SPOCK3: variants seen among roughly 807,000 people sequenced by gnomAD.
The protein encoded by SPOCK3 is testican-3.
SPOCK3 carries 30 observed loss-of-function variants against 56.6 expected under a neutral mutation model. The ratio of observed to expected loss-of-function variants is 0.53; its 90% CI spans 0.40 to 0.72. SPOCK3 has a LOEUF of 0.72. Among genes scored for constraint, SPOCK3 ranks in the 30% least tolerant of loss-of-function variants. The pLI is 0.00. For synonymous variants in SPOCK3, 196 were observed against 183.3 expected (o/e 1.07, Z -0.56); for missense variants, 527 against 530.0 (o/e 0.99, Z 0.06).
chr4:166,888,782 T>C (rs770338640), intron 6 of SPOCK3, among the ~76,000 whole-genome samples: 10 of 151,972 alleles, frequency 6.6e-5, no homozygotes, highest in Non-Finnish European at 1.5e-4. Context: ...AATTACTTAC[T>C]ACTTTATCAA....
At chr4:166,770,329 A>T (rs1419630420) in intron 7 of SPOCK3, among the ~76,000 whole-genome samples, 4 of 152,144 alleles carry the variant, frequency 2.6e-5, no homozygotes, top group Admixed American at 1.3e-4. Context: ...TCTTGGAACC[A>T]AGCCCAAGAT....
intron 6 of SPOCK3, among the ~76,000 whole-genome samples, chr4:166,875,723 T>G (rs1467877666): frequency 6.6e-6 from 1 of 152,194 alleles, no homozygotes; most frequent in Admixed American, 6.5e-5. Context: ...GATGAGAATT[T>G]GTGCAGGTTT....
chr4:166,812,783 C>T (rs995039604), intron 6 of SPOCK3, among the ~76,000 whole-genome samples: 7 of 151,824 alleles, frequency 4.6e-5, no homozygotes, highest in Non-Finnish European at 8.8e-5. Context: ...GTCTTAAAGG[C>T]TATATATTTT....
At chr4:166,898,192 T>G (rs1735609081) in intron 5 of SPOCK3, among the ~76,000 whole-genome samples, 1 of 151,750 alleles carries the variant, frequency 6.6e-6, no homozygotes. Flanking sequence ...AGAAAGACCC[T>G]CTCCCTAAAA....
At chr4:167,120,559 TG>T (rs1561238301) in intron 2 of SPOCK3, among the ~76,000 whole-genome samples, 1 of 152,054 alleles carries the variant, frequency 6.6e-6, no homozygotes, top group Non-Finnish European at 1.5e-5. Flanking sequence ...ACTCAGTGTT[TG>T]TACTTAGTAT....
chr4:166,847,653 A>G (rs1241236718), intron 6 of SPOCK3, among the ~76,000 whole-genome samples: 1 of 84,214 alleles, frequency 1.2e-5, no homozygotes, highest in Non-Finnish European at 2.1e-5. Context: ...TAGTTTATAT[A>G]TATATATATA....
At chr4:166,755,514 T>C (rs1425493169) in intron 7 of SPOCK3, among the ~76,000 whole-genome samples, 1 of 152,140 alleles carries the variant, frequency 6.6e-6, no homozygotes, top group African/African-American at 2.4e-5. Flanking sequence ...TTTAAAAATT[T>C]GCTTTCAACA....
chr4:166,882,176 C>T (rs1417999788), intron 6 of SPOCK3, among the ~76,000 whole-genome samples: 1 of 152,126 alleles, frequency 6.6e-6, no homozygotes, highest in Non-Finnish European at 1.5e-5. Flanking sequence ...AAGCTAAGGT[C>T]AGCATGATAT....
intron 4 of SPOCK3, among the ~76,000 whole-genome samples, chr4:166,961,074 T>C (rs1744090908): frequency 6.6e-6 from 1 of 152,128 alleles, no homozygotes; most frequent in African/African-American, 2.4e-5. Flanking sequence ...TGGATAAATA[T>C]GGAAAGACAG....
At chr4:166,858,699 A>T (rs192004705) in intron 6 of SPOCK3, among the ~76,000 whole-genome samples, 51 of 152,316 alleles carry the variant, frequency 3.3e-4, no homozygotes, top group Admixed American at 7.8e-4. Flanking sequence ...AAAATAAAAT[A>T]ATTCAGAAAA....
chr4:166,909,118 A>G (rs1316911680), intron 5 of SPOCK3, among the ~76,000 whole-genome samples: 1 of 152,088 alleles, frequency 6.6e-6, no homozygotes, highest in Non-Finnish European at 1.5e-5. Context: ...CAAATGTCCC[A>G]AGATTTTTTC....
intron 6 of SPOCK3, among the ~76,000 whole-genome samples, chr4:166,828,617 T>C (rs997059899): frequency 1.3e-5 from 2 of 152,044 alleles, no homozygotes; most frequent in East Asian, 3.9e-4. Context: ...ATTTCTAAGA[T>C]AAAAAGCTTC....
At chr4:167,088,543 C>T (rs764543884) in intron 2 of SPOCK3, among the ~76,000 whole-genome samples, 16 of 144,318 alleles carry the variant, frequency 1.1e-4, no homozygotes, top group Non-Finnish European at 1.8e-4. Context: ...TGGTTCACTA[C>T]AACCACCGCC....
At chr4:166,983,202 C>T (rs926010437) in intron 4 of SPOCK3, among the ~76,000 whole-genome samples, 9 of 152,070 alleles carry the variant, frequency 5.9e-5, no homozygotes, top group African/African-American at 2.2e-4. Flanking sequence ...TTTAATCTTG[C>T]CAGTTTTTGC....
chr4:167,110,876 T>C (rs936839859), intron 2 of SPOCK3, among the ~76,000 whole-genome samples: 3 of 152,020 alleles, frequency 2.0e-5, no homozygotes, highest in Non-Finnish European at 4.4e-5. Flanking sequence ...AATGCTACCA[T>C]ATAATTTATT....
At chr4:167,134,914 T>C (rs745575281) in intron 2 of SPOCK3, among the ~76,000 whole-genome samples, 6 of 151,938 alleles carry the variant, frequency 3.9e-5, no homozygotes, top group Admixed American at 6.6e-5. Flanking sequence ...TCTTAGTGCA[T>C]TGGTCAGCAT....
chr4:167,213,729 A>G (rs959806539), intron 2 of SPOCK3, among the ~76,000 whole-genome samples: 3 of 149,380 alleles, frequency 2.0e-5, no homozygotes, highest in Non-Finnish European at 4.4e-5. Flanking sequence ...ACATTCAACT[A>G]CCTTGCATTA....
chr4:166,765,233 T>C (rs1463451151), intron 7 of SPOCK3, among the ~76,000 whole-genome samples: 1 of 152,226 alleles, frequency 6.6e-6, no homozygotes, highest in East Asian at 1.9e-4. Flanking sequence ...GCCATTGCTT[T>C]TGGTGTTTTA....
At chr4:166,780,077 G>A (rs910206309) in intron 7 of SPOCK3, among the ~76,000 whole-genome samples, 1 of 152,066 alleles carries the variant, frequency 6.6e-6, no homozygotes, top group Non-Finnish European at 1.5e-5. Context: ...AAAGAGTATT[G>A]TTCACAAATA....
Sources: allele counts gnomAD v4.1 joint callset (sites outside exome capture counted in the v4.1 genomes callset), GRCh38; gene constraint gnomAD v4.1.1; transcripts MANE v1.5; gene names NCBI Gene and HGNC (gene_info 2026-07-23, HGNC 2026-07-21).